CFAP61: variants seen among roughly 807,000 people sequenced by gnomAD.
CFAP61 encodes cilia- and flagella-associated protein 61.
CFAP61 carries 107 observed loss-of-function variants against 135.6 expected under a neutral mutation model. The observed-to-expected ratio is 0.79, with a 90% CI of 0.67 to 0.93. The LOEUF is 0.93. Ranked by LOEUF, CFAP61 falls within the 40% of genes least tolerant of loss-of-function variation. CFAP61 has a pLI of 0.00. For missense variants in CFAP61, 1,507 were observed against 1,556.2 expected, an observed-to-expected ratio of 0.97 and a Z score of 0.53; for synonymous variants, 575 against 578.5, an observed-to-expected ratio of 0.99 and a Z score of 0.09.
intron 25 of CFAP61, among the ~76,000 whole-genome samples, chr20:20,328,831 G>T (rs936065734): frequency 1.3e-5 from 2 of 152,168 alleles, no homozygotes; most frequent in Non-Finnish European, 2.9e-5. Context: ...ATCGGAATGA[G>T]ATGTCACCTC....
At chr20:20,185,167 G>A (rs2055408563) in intron 13 of CFAP61, among the ~76,000 whole-genome samples, 1 of 152,154 alleles carries the variant, frequency 6.6e-6, no homozygotes, top group Non-Finnish European at 1.5e-5. Context: ...GTAATCTTAT[G>A]TATCTTACTT....
intron 17 of CFAP61, among the ~76,000 whole-genome samples, chr20:20,223,865 T>C (rs1355470749): frequency 6.6e-6 from 1 of 152,170 alleles, no homozygotes; most frequent in East Asian, 1.9e-4. Flanking sequence ...ACTAAAAAGA[T>C]CAAATTTAAT....
At chr20:20,110,331 A>G (rs1327435694) in intron 8 of CFAP61, among the ~76,000 whole-genome samples, 1 of 152,046 alleles carries the variant, frequency 6.6e-6, no homozygotes, top group Non-Finnish European at 1.5e-5. Flanking sequence ...GGTGGTTGTT[A>G]AGCTCTTCAT....
At chr20:20,288,540 T>C (rs2054761123) in intron 22 of CFAP61, 69 bp from the exon 23 acceptor site, 1 of 1,197,082 alleles carries the variant, frequency 8.4e-7, no homozygotes, top group Admixed American at 1.8e-5. Flanking sequence ...CCCTGGAGAC[T>C]AGTCACACTT....
At chr20:20,320,360 TATGTA>T (rs1311541143) in intron 25 of CFAP61, among the ~76,000 whole-genome samples, 1 of 32,010 alleles carries the variant, frequency 3.1e-5, no homozygotes, top group African/African-American at 1.2e-4. Context: ...ATATATAATA[TATGTA>T]ATATATATTA....
intron 9 of CFAP61, among the ~76,000 whole-genome samples, chr20:20,158,494 A>G (rs1235034375): frequency 6.6e-6 from 1 of 152,198 alleles, no homozygotes; most frequent in East Asian, 1.9e-4. Flanking sequence ...CAAAACTAGA[A>G]AGATTAAGCA....
intron 25 of CFAP61, among the ~76,000 whole-genome samples, chr20:20,338,704 C>T (rs2058330607): frequency 6.6e-6 from 1 of 152,188 alleles, no homozygotes; most frequent in Non-Finnish European, 1.5e-5. Context: ...CAATTTCTCC[C>T]AGTGTGTTAT....
intron 8 of CFAP61, among the ~76,000 whole-genome samples, chr20:20,138,331 C>G (rs530503007): frequency 3.3e-5 from 5 of 152,330 alleles, no homozygotes; most frequent in African/African-American, 1.2e-4. Flanking sequence ...GACAGCCTTT[C>G]AAGTTTATTT....
intron 2 of CFAP61, among the ~76,000 whole-genome samples, chr20:20,067,041 G>A (rs1480438318): frequency 6.6e-6 from 1 of 151,454 alleles, no homozygotes; most frequent in Non-Finnish European, 1.5e-5. Context: ...TTCACTGCAT[G>A]TAAATTATAC....
At chr20:20,172,839 A>G (rs956088284) in intron 13 of CFAP61, among the ~76,000 whole-genome samples, 5 of 152,196 alleles carry the variant, frequency 3.3e-5, no homozygotes, top group African/African-American at 1.2e-4. Context: ...TTGGTGTTGT[A>G]CATCCTATGG....
At chr20:20,346,457 G>T (rs971325713) in intron 26 of CFAP61, among the ~76,000 whole-genome samples, 15 of 146,594 alleles carry the variant, frequency 1.0e-4, no homozygotes, top group African/African-American at 1.3e-4. Context: ...GGTAGAGGTT[G>T]CAGTGAGCCC....
At chr20:20,222,710 G>A (rs1438596335) in intron 17 of CFAP61, among the ~76,000 whole-genome samples, 1 of 152,168 alleles carries the variant, frequency 6.6e-6, no homozygotes, top group Non-Finnish European at 1.5e-5. Context: ...TTTTATGCCT[G>A]TGGAAGAGAT....
chr20:20,105,421 T>C (rs1045158548), intron 8 of CFAP61, among the ~76,000 whole-genome samples: 1 of 152,098 alleles, frequency 6.6e-6, no homozygotes, highest in Non-Finnish European at 1.5e-5. Context: ...AAATTTGCCA[T>C]TTTCTCATTG....
chr20:20,321,375 C>T (rs1427530815), intron 25 of CFAP61, among the ~76,000 whole-genome samples: 6 of 152,108 alleles, frequency 3.9e-5, no homozygotes, highest in African/African-American at 2.4e-5. Context: ...GTGATGGTAA[C>T]TTATATAAGT....
chr20:20,317,287 C>T (rs1026040382), intron 25 of CFAP61, among the ~76,000 whole-genome samples: 3 of 152,114 alleles, frequency 2.0e-5, no homozygotes, highest in African/African-American at 7.2e-5. Flanking sequence ...GTACAGGAAG[C>T]TTTCAGATCT....
At chr20:20,291,931 T>C (rs1287077307) in intron 24 of CFAP61, among the ~76,000 whole-genome samples, 1 of 152,230 alleles carries the variant, frequency 6.6e-6, no homozygotes, top group East Asian at 1.9e-4. Context: ...TTCTCTTGAA[T>C]ATTTTTGAGG....
intron 13 of CFAP61, among the ~76,000 whole-genome samples, chr20:20,181,181 ATATGCATATATATG>A (rs1465973735): frequency 2.7e-5 from 4 of 145,858 alleles, no homozygotes; most frequent in African/African-American, 1.0e-4. Flanking sequence ...ATACACATAT[ATATGCATATATATG>A]TATATATATG....
At chr20:20,211,806 T>C (rs1319054664) in intron 17 of CFAP61, among the ~76,000 whole-genome samples, 1 of 152,216 alleles carries the variant, frequency 6.6e-6, no homozygotes, top group African/African-American at 2.4e-5. Context: ...AGTTTATGTA[T>C]TTAACCAAAA....
chr20:20,272,824 A>C (rs569040222), intron 21 of CFAP61, among the ~76,000 whole-genome samples: 2 of 151,968 alleles, frequency 1.3e-5, no homozygotes, highest in East Asian at 1.9e-4. Context: ...TTCCTTCCCC[A>C]TATCTCCTTC....
Sources: allele counts gnomAD v4.1 joint callset (sites outside exome capture counted in the v4.1 genomes callset), GRCh38; gene constraint gnomAD v4.1.1; transcripts MANE v1.5; gene names NCBI Gene and HGNC (gene_info 2026-07-23, HGNC 2026-07-21).